Variants in GPC3 observed in about 807,000 individuals in gnomAD.
The protein encoded by GPC3 is glypican 3.
Under a neutral mutation model 34.4 loss-of-function variants are expected in GPC3, and 3 were observed. The observed-to-expected ratio is 0.09, with a 90% confidence interval of 0.04 to 0.23. The LOEUF is 0.23. GPC3 is among the 10% of genes least tolerant of loss of function. The probability of loss-of-function intolerance (pLI) is 1.00; values close to 1 mark genes in which losing one functional copy is unlikely to be tolerated. For synonymous variants in GPC3, 177 were observed against 174.0 expected, an observed-to-expected ratio of 1.02 and a Z score of -0.13; for missense variants, 351 against 445.6, an observed-to-expected ratio of 0.79 and a Z score of 1.91.
At chrX:133,843,471 C>T (rs139486529) in intron 2 of GPC3, among the ~76,000 whole-genome samples, 1,668 of 111,444 alleles carry the variant, frequency 0.015, 21 homozygotes, top group Non-Finnish European at 0.021. Flanking sequence ...AGGCCCTCAC[C>T]AGAAGCAAAT....
At chrX:133,984,622 C>G (rs780569178) in intron 1 of GPC3, among the ~76,000 whole-genome samples, 1 of 111,489 alleles carries the variant, frequency 9.0e-6, no homozygotes, top group African/African-American at 3.3e-5. Context: ...CCAGCAGCAC[C>G]GGTTTTAAAG....
chrX:133,837,032 A>G (rs2075803278), intron 2 of GPC3, among the ~76,000 whole-genome samples: 1 of 112,052 alleles, frequency 8.9e-6, no homozygotes, highest in South Asian at 3.8e-4. Flanking sequence ...CCTTGAAGAT[A>G]CAGATAACTA....
At chrX:133,602,807 A>G (rs922688669) in intron 6 of GPC3, among the ~76,000 whole-genome samples, 1 of 111,659 alleles carries the variant, frequency 9.0e-6, no homozygotes, top group Non-Finnish European at 1.9e-5. Context: ...AATATGTACA[A>G]TTATGTGTCA....
At chrX:133,613,118 A>T (rs561962841) in intron 6 of GPC3, among the ~76,000 whole-genome samples, 1 of 112,201 alleles carries the variant, frequency 8.9e-6, no homozygotes, top group South Asian at 3.7e-4. Flanking sequence ...CATGAGAAAA[A>T]AAAGCAACTG....
At chrX:133,958,780 G>A (rs978077322) in intron 1 of GPC3, among the ~76,000 whole-genome samples, 1 of 104,698 alleles carries the variant, frequency 9.6e-6, no homozygotes, top group Non-Finnish European at 2.0e-5. Context: ...CAGCTACTCC[G>A]GAGGTTGAGG....
At chrX:133,781,417 C>T (rs1035093939) in intron 2 of GPC3, among the ~76,000 whole-genome samples, 4 of 111,916 alleles carry the variant, frequency 3.6e-5, no homozygotes, top group Non-Finnish European at 5.6e-5. Context: ...AGCCAGGTGT[C>T]GGGGCTCAAA....
chrX:133,864,318 C>T (rs929077198), intron 2 of GPC3, among the ~76,000 whole-genome samples: 1 of 111,761 alleles, frequency 8.9e-6, no homozygotes, highest in Admixed American at 9.5e-5. Context: ...TGTTCCTGAT[C>T]CCATTTCACA....
At chrX:133,919,789 G>A (rs2076239791) in intron 2 of GPC3, among the ~76,000 whole-genome samples, 3 of 106,084 alleles carry the variant, frequency 2.8e-5, no homozygotes, top group Non-Finnish European at 5.8e-5. Context: ...ACCTCGATGT[G>A]TGTGTTCATG....
At chrX:133,905,982 A>G (rs1459858161) in intron 2 of GPC3, among the ~76,000 whole-genome samples, 2 of 112,062 alleles carry the variant, frequency 1.8e-5, no homozygotes, top group African/African-American at 3.2e-5. Context: ...CTACATGCTA[A>G]GCAGAACTGC....
intron 7 of GPC3, among the ~76,000 whole-genome samples, chrX:133,556,778 GGGGGGA>G (rs2069493135): frequency 1.6e-5 from 1 of 63,040 alleles, no homozygotes; most frequent in Non-Finnish European, 2.8e-5. Context: ...TTGGGGGGGT[GGGGGGA>G]GGGGGGAGGG....
chrX:133,640,793 C>T (rs1291538432), intron 6 of GPC3, among the ~76,000 whole-genome samples: 4 of 112,044 alleles, frequency 3.6e-5, no homozygotes, highest in East Asian at 2.8e-4. Context: ...GCCGTCCTAT[C>T]GCTTTCCAAA....
intron 2 of GPC3, among the ~76,000 whole-genome samples, chrX:133,796,440 A>G (rs764220557): frequency 1.8e-5 from 2 of 112,487 alleles, no homozygotes; most frequent in Non-Finnish European, 3.8e-5. Context: ...AGTAACACTA[A>G]GAAAGGAGGA....
rs1355737325 is a variant in GPC3, at chrX:133,580,903, A to G, written c.1573+15537T>C. Reference sequence around the variant, plus strand: ...GAACAGGAGAGTGGGAGTGTGTTCCAAATTTAGCTTTCCTCCCAACCTCTG... The same window carrying G: ...GAACAGGAGAGTGGGAGTGTGTTCCGAATTTAGCTTTCCTCCCAACCTCTG... On this transcript the variant is annotated intron_variant, in intron 7 of 7. Coordinates refer to ENST00000370818, the MANE Select transcript of GPC3 (RefSeq NM_004484.4). Among the ~76,000 whole-genome samples, 7 of 112,343 alleles carry G rather than the reference A, an allele frequency of 6.2e-5. No homozygotes were observed. The East Asian group carries it at 1.7e-3, about 27-fold the overall frequency.
chrX:133,860,109 T>C (rs1221229169), intron 2 of GPC3, among the ~76,000 whole-genome samples: 1 of 111,637 alleles, frequency 9.0e-6, no homozygotes, highest in East Asian at 2.8e-4. Context: ...CAGGCCCAAC[T>C]CTAACACGGG....
chrX:133,573,048 G>A (rs1426188616), intron 7 of GPC3, among the ~76,000 whole-genome samples: 1 of 111,432 alleles, frequency 9.0e-6, no homozygotes, highest in Non-Finnish European at 1.9e-5. Context: ...GGTTGAAAAG[G>A]TTATGTATCA....
intron 7 of GPC3, among the ~76,000 whole-genome samples, chrX:133,580,464 A>G (rs748990637): frequency 8.9e-6 from 1 of 111,842 alleles, no homozygotes; most frequent in Non-Finnish European, 1.9e-5. Context: ...ATCATTCCAT[A>G]TGAAGTGGTG....
At chrX:133,818,265 A>G (rs2075702008) in intron 2 of GPC3, among the ~76,000 whole-genome samples, 1 of 112,130 alleles carries the variant, frequency 8.9e-6, no homozygotes, top group Admixed American at 9.5e-5. Flanking sequence ...TCAAAGCTAG[A>G]CAGATCAAAT....
chrX:133,936,412 A>G (rs1422812405), intron 2 of GPC3, among the ~76,000 whole-genome samples: 1 of 110,553 alleles, frequency 9.0e-6, no homozygotes, highest in Non-Finnish European at 1.9e-5. Context: ...CACCTTCCAC[A>G]TGACATAAAC....
intron 2 of GPC3, among the ~76,000 whole-genome samples, chrX:133,803,258 A>T (rs1479699120): frequency 8.9e-6 from 1 of 112,515 alleles, no homozygotes; most frequent in Non-Finnish European, 1.9e-5. Flanking sequence ...AAAATGTGAC[A>T]CTAATAGGAT....
Sources: allele counts gnomAD v4.1 joint callset (sites outside exome capture counted in the v4.1 genomes callset), GRCh38; gene constraint gnomAD v4.1.1; transcripts MANE v1.5; gene names NCBI Gene and HGNC (gene_info 2026-07-23, HGNC 2026-07-21).